Variants in AGTPBP1 observed in about 807,000 individuals in gnomAD.
AGTPBP1 encodes the protein ATP/GTP binding carboxypeptidase 1, also known as cytosolic carboxypeptidase 1.
In AGTPBP1, 70 loss-of-function variants were observed where a neutral mutation model predicts 143.9. That is an observed-to-expected ratio of 0.49 (90% confidence interval 0.40 to 0.59). The LOEUF is 0.59. Among genes scored for constraint, AGTPBP1 ranks in the 20% least tolerant of loss-of-function variants. The pLI is 0.00. For synonymous variants in AGTPBP1, 463 were observed against 500.2 expected (o/e 0.93, Z 0.99); for missense variants, 1,229 against 1,464.5 (o/e 0.84, Z 2.62).
chr9:85,625,831 G>A (rs776227505), intron 14 of AGTPBP1, among the ~76,000 whole-genome samples: 1 of 149,436 alleles, frequency 6.7e-6, no homozygotes, highest in Non-Finnish European at 1.5e-5. Context: ...GTTGCAGTGA[G>A]CCAAGATCGT....
intron 25 of AGTPBP1, among the ~76,000 whole-genome samples, chr9:85,552,674 C>T (rs13301766): frequency 0.058 from 8,772 of 152,264 alleles, 340 homozygotes; most frequent in Non-Finnish European, 0.086. Context: ...ATAAAACCTA[C>T]CTTGTTAAAG....
chr9:85,595,365 C>T (rs545711392), intron 18 of AGTPBP1, among the ~76,000 whole-genome samples: 12 of 152,200 alleles, frequency 7.9e-5, no homozygotes, highest in South Asian at 2.1e-4. Flanking sequence ...AACAAGGGTG[C>T]CAAGTGGAAT....
At chr9:85,671,710 C>T (rs951318974) in intron 7 of AGTPBP1, among the ~76,000 whole-genome samples, 1 of 152,156 alleles carries the variant, frequency 6.6e-6, no homozygotes, top group Non-Finnish European at 1.5e-5. Flanking sequence ...ACACCTCATG[C>T]GTGGAACCTC....
chr9:85,584,766 A>G (rs560708470), intron 23 of AGTPBP1, among the ~76,000 whole-genome samples: 1 of 152,374 alleles, frequency 6.6e-6, no homozygotes, highest in South Asian at 2.1e-4. Flanking sequence ...CAACTGCAAC[A>G]AACTTCATAA....
rs1026381806 is a variant in AGTPBP1, at chr9:85,599,464, C to T, written c.2336-3015G>A. Among the ~76,000 whole-genome samples the T allele has an allele frequency of 9.9e-5, 15 of 152,162 alleles. 1 individual carries two copies. Among genetic ancestry groups the T allele is most frequent in the Admixed American group, 5.2e-4 (8 of 15,284 alleles). On this transcript the variant is annotated intron_variant, in intron 17 of 25. Coordinates refer to ENST00000357081, the MANE Select transcript of AGTPBP1 (RefSeq NM_001330701.2). ...TCCTTAATTTGGAAGCCTTCTATCA[C>T]GCTTTTCAATTCTACTTTTCCACCC...
intron 15 of AGTPBP1, among the ~76,000 whole-genome samples, chr9:85,620,557 G>A (rs1433597027): frequency 6.6e-6 from 1 of 152,064 alleles, no homozygotes; most frequent in Non-Finnish European, 1.5e-5. Context: ...TGAGAAGGCA[G>A]ATGACTAAAT....
chr9:85,631,202 C>T (rs1001352209), intron 14 of AGTPBP1, among the ~76,000 whole-genome samples: 1 of 152,170 alleles, frequency 6.6e-6, no homozygotes, highest in Non-Finnish European at 1.5e-5. Context: ...GGACTTCTAA[C>T]CCTGGAGAGC....
intron 4 of AGTPBP1, among the ~76,000 whole-genome samples, chr9:85,679,450 C>T (rs80154842): frequency 0.017 from 2,547 of 152,190 alleles, 25 homozygotes; most frequent in Middle Eastern, 0.054. Context: ...CTCTGTCACC[C>T]AGGATGGAGT....
intron 1 of AGTPBP1, among the ~76,000 whole-genome samples, chr9:85,731,289 T>C (rs997487021): frequency 6.6e-6 from 1 of 152,064 alleles, no homozygotes; most frequent in Non-Finnish European, 1.5e-5. Context: ...TCACAACCAA[T>C]AGAATGGCTA....
chr9:85,573,833 G>A (rs1827702435), intron 25 of AGTPBP1, among the ~76,000 whole-genome samples: 1 of 149,596 alleles, frequency 6.7e-6, no homozygotes, highest in South Asian at 2.1e-4. Flanking sequence ...CTGCCCGGCC[G>A]CCCCGTCTGA....
intron 23 of AGTPBP1, among the ~76,000 whole-genome samples, chr9:85,582,519 A>T (rs980216452): frequency 1.3e-5 from 2 of 152,108 alleles, no homozygotes; most frequent in East Asian, 1.9e-4. Context: ...TCTACTAAAA[A>T]TACAAAAAAT....
At chr9:85,698,209 A>G (rs1310602119) in intron 2 of AGTPBP1, among the ~76,000 whole-genome samples, 1 of 152,206 alleles carries the variant, frequency 6.6e-6, no homozygotes, top group Non-Finnish European at 1.5e-5. Flanking sequence ...CTTTGCCAGT[A>G]ACCCTGACTA....
At chr9:85,655,984 C>T (rs954220906) in intron 10 of AGTPBP1, among the ~76,000 whole-genome samples, 4 of 152,108 alleles carry the variant, frequency 2.6e-5, no homozygotes, top group South Asian at 2.1e-4. Flanking sequence ...CCCGACACCA[C>T]GCCCGGCTAA....
intron 15 of AGTPBP1, 53 bp from the exon 16 acceptor site, chr9:85,619,354 T>C (rs963723213): frequency 8.7e-5 from 111 of 1,273,414 alleles, no homozygotes; most frequent in Non-Finnish European, 1.1e-4. Flanking sequence ...TTTAAACAGA[T>C]GAGCAAAAAG....
chr9:85,747,604 T>G, the AGTPBP1 span, among the ~76,000 whole-genome samples: 1 of 152,208 alleles, frequency 6.6e-6, no homozygotes, highest in Admixed American at 6.5e-5. Flanking sequence ...TACTTAAACT[T>G]GTTCCTAGAT....
upstream of AGTPBP1, among the ~76,000 whole-genome samples, chr9:85,744,156 TC>T: frequency 6.6e-6 from 1 of 152,178 alleles, no homozygotes; most frequent in East Asian, 1.9e-4. Context: ...GGTCTCAAAC[TC>T]CTGGGCTCAG....
chr9:85,591,085 T>C (rs1335021917), intron 19 of AGTPBP1, among the ~76,000 whole-genome samples: 1 of 151,878 alleles, frequency 6.6e-6, no homozygotes, highest in Non-Finnish European at 1.5e-5. Context: ...ATTTCATGGA[T>C]ATTAATTGAG....
the AGTPBP1 span, chr9:85,753,348 A>C: frequency 3.1e-6 from 5 of 1,613,916 alleles, no homozygotes; most frequent in Non-Finnish European, 4.2e-6. Flanking sequence ...TCTAAAACCG[A>C]AAGCTGAGGA....
In AGTPBP1 at chr9:85,621,201, C is replaced by A. The variant is rs773382879; in HGVS notation, c.2099+1G>T. 3.5e-6 allele frequency: 5 copies of A among 1,444,186 alleles called. No homozygotes were observed. The highest frequency in any genetic ancestry group is 9.1e-7 in the Non-Finnish European group (1 of 1,097,806). 89.5% of individuals were successfully genotyped at this position (1,444,186 alleles called of 1,614,324 possible). ...AAAAGTTCATTAAAATCAAGACTTACTTTGGGTTATCCAAGTCATATACCA... is the reference window on the plus strand; with the variant it reads ...AAAAGTTCATTAAAATCAAGACTTAATTTGGGTTATCCAAGTCATATACCA... On this transcript the variant is annotated splice_donor_variant, in intron 15 of 25. Coordinates refer to ENST00000357081, the MANE Select transcript of AGTPBP1 (RefSeq NM_001330701.2). LOFTEE classifies it high-confidence loss of function.
Sources: gnomAD v4.1 joint callset for allele counts (sites outside exome capture counted in the v4.1 genomes callset) on GRCh38, gnomAD v4.1.1 for gene constraint, MANE v1.5 for transcripts, NCBI Gene and HGNC (gene_info 2026-07-23, HGNC 2026-07-21) for gene names.